Variants in RAB31 observed in about 807,000 individuals in gnomAD.
RAB31 encodes the protein ras-related protein Rab-31.
A neutral mutation model predicts 25.6 loss-of-function variants in RAB31; 21 were observed. The observed-to-expected ratio is 0.82, with a 90% CI of 0.58 to 1.18. The LOEUF (loss-of-function observed/expected upper bound fraction) is 1.18, where lower values mean the gene tolerates loss of function less well. Ranked by LOEUF, RAB31 falls within the 50% of genes most tolerant of loss-of-function variation. The pLI, the probability that RAB31 is intolerant of heterozygous loss-of-function variation, is 0.00. For missense variants in RAB31, 196 were observed against 250.1 expected, an observed-to-expected ratio of 0.78 and a Z score of 1.46; for synonymous variants, 87 against 84.0, an observed-to-expected ratio of 1.04 and a Z score of -0.20.
At chr18:9,798,648 A>G (rs1266581328) in intron 3 of RAB31, among the ~76,000 whole-genome samples, 1 of 151,950 alleles carries the variant, frequency 6.6e-6, no homozygotes, top group Non-Finnish European at 1.5e-5. Context: ...AGACAAGGTC[A>G]CACTCTGTCA....
At position 9,861,554 on chromosome 18, in the gene RAB31, C is replaced by G. The variant is rs1193897856; in HGVS notation, c.*2229C>G. Reference sequence around the variant, plus strand: ...ACATTGTATCTTCTCTGTGGATGCTCAGGCCTTGTCTACAATGAGGCTTTA... The same window carrying G: ...ACATTGTATCTTCTCTGTGGATGCTGAGGCCTTGTCTACAATGAGGCTTTA... On this transcript the variant is annotated 3_prime_UTR_variant, in exon 7 of 7. Transcript: ENST00000578921. 6.6e-6 allele frequency: 1 copy of G among 152,176 alleles called. No individual in the cohort carries two copies. The highest frequency in any genetic ancestry group is 2.4e-5 in the African/African-American group (1 of 41,432). 9.4% of individuals were successfully genotyped at this position (152,176 alleles called of 1,614,324 possible). A position where few individuals can be genotyped will look rare whatever the true frequency, so the allele number is the denominator to read the frequency against.
intron 1 of RAB31, among the ~76,000 whole-genome samples, chr18:9,772,391 G>T (rs892613521): frequency 2.6e-5 from 4 of 152,210 alleles, no homozygotes; most frequent in Non-Finnish European, 4.4e-5. Context: ...GCAAATCGAG[G>T]AGTTGTCTCC....
chr18:9,852,767 T>C (rs2068795522), intron 6 of RAB31, among the ~76,000 whole-genome samples: 1 of 152,226 alleles, frequency 6.6e-6, no homozygotes, highest in Non-Finnish European at 1.5e-5. Context: ...GGCTGTCTTA[T>C]CTGGTAGGTG....
chr18:9,774,305 A>G (rs2145490329), intron 1 of RAB31, among the ~76,000 whole-genome samples: 1 of 152,222 alleles, frequency 6.6e-6, no homozygotes, highest in South Asian at 2.1e-4. Flanking sequence ...GATGTCCCCA[A>G]GCCCAGCTCC....
intron 6 of RAB31, among the ~76,000 whole-genome samples, chr18:9,851,099 A>C (rs1404666782): frequency 1.3e-5 from 2 of 152,206 alleles, no homozygotes; most frequent in Non-Finnish European, 2.9e-5. Flanking sequence ...CAGATTTTAT[A>C]ATAGTCAGCA....
intron 6 of RAB31, among the ~76,000 whole-genome samples, chr18:9,848,891 T>A (rs1015663219): frequency 6.6e-6 from 1 of 152,238 alleles, no homozygotes; most frequent in Non-Finnish European, 1.5e-5. Flanking sequence ...GCAAATACAG[T>A]GTCTAACTGG....
At chr18:9,770,446 A>C (rs1265826372) in intron 1 of RAB31, among the ~76,000 whole-genome samples, 1 of 152,118 alleles carries the variant, frequency 6.6e-6, no homozygotes, top group Non-Finnish European at 1.5e-5. Context: ...ATAATTATAG[A>C]TTTACATGTG....
chr18:9,737,829 G>C (rs2068158143), intron 1 of RAB31, among the ~76,000 whole-genome samples: 1 of 152,160 alleles, frequency 6.6e-6, no homozygotes, highest in African/African-American at 2.4e-5. Flanking sequence ...AACCAAGCAG[G>C]GGTCTCTAAA....
At chr18:9,795,086 A>G (rs917462479) in intron 3 of RAB31, among the ~76,000 whole-genome samples, 1 of 152,190 alleles carries the variant, frequency 6.6e-6, no homozygotes, top group Non-Finnish European at 1.5e-5. Flanking sequence ...CAAATAAGCC[A>G]AATACTTACA....
chr18:9,857,694 A>AGAT (rs138682092), intron 6 of RAB31, among the ~76,000 whole-genome samples: 101 of 128,410 alleles, frequency 7.9e-4, no homozygotes, highest in Middle Eastern at 3.9e-3. Flanking sequence ...GATGATAGAT[A>AGAT]GATAGATAGA....
chr18:9,742,096 C>A (rs2145472601), intron 1 of RAB31, among the ~76,000 whole-genome samples: 1 of 152,304 alleles, frequency 6.6e-6, no homozygotes, highest in Admixed American at 6.5e-5. Flanking sequence ...GGAAGACCAC[C>A]CGGCAAAGCA....
intron 3 of RAB31, among the ~76,000 whole-genome samples, chr18:9,793,879 T>C (rs978566733): frequency 6.6e-6 from 1 of 152,160 alleles, no homozygotes; most frequent in Non-Finnish European, 1.5e-5. Context: ...CCTACTCCAC[T>C]CACTTCCTGC....
intron 1 of RAB31, among the ~76,000 whole-genome samples, chr18:9,739,766 T>G (rs2068168730): frequency 6.6e-6 from 1 of 152,162 alleles, no homozygotes; most frequent in Admixed American, 6.6e-5. Flanking sequence ...TTGTATACTC[T>G]CCTGTCCTGT....
At chr18:9,847,908 A>T (rs904174567) in intron 6 of RAB31, among the ~76,000 whole-genome samples, 1 of 152,084 alleles carries the variant, frequency 6.6e-6, no homozygotes, top group African/African-American at 2.4e-5. Flanking sequence ...TATCCAGTAT[A>T]AATCCCTTCC....
At chr18:9,811,664 C>T (rs2068571707) in intron 3 of RAB31, among the ~76,000 whole-genome samples, 1 of 152,116 alleles carries the variant, frequency 6.6e-6, no homozygotes, top group Non-Finnish European at 1.5e-5. Flanking sequence ...GGAAATCCCA[C>T]CTGTTAAGAT....
At chr18:9,749,487 G>A (rs1222493089) in intron 1 of RAB31, among the ~76,000 whole-genome samples, 3 of 152,204 alleles carry the variant, frequency 2.0e-5, no homozygotes, top group Non-Finnish European at 4.4e-5. Context: ...TTGTGGGAGA[G>A]CTGGGATTTA....
At chr18:9,764,415 A>C (rs1470492511) in intron 1 of RAB31, among the ~76,000 whole-genome samples, 2 of 152,178 alleles carry the variant, frequency 1.3e-5, no homozygotes, top group Non-Finnish European at 2.9e-5. Flanking sequence ...TGAACAGTGC[A>C]CTGGATATGG....
At position 9,774,315 on chromosome 18, in the gene RAB31, C is replaced by T. The variant is rs539937261; in HGVS notation, c.40-963C>T. 1.8e-3 allele frequency among the ~76,000 whole-genome samples: 270 copies of T among 152,242 alleles called. 2 individuals are homozygous for T. The highest frequency in any genetic ancestry group is 6.3e-3 in the African/African-American group (263 of 41,544). On this transcript the variant is annotated intron_variant, in intron 1 of 6. Coordinates refer to ENST00000578921, the MANE Select transcript of RAB31 (RefSeq NM_006868.4). Reference sequence around the variant, plus strand: ...TGCCTGATGTCCCCAAGCCCAGCTCCGTCCGATGCAGGCTTCCTGGAGAGT... The same window carrying T: ...TGCCTGATGTCCCCAAGCCCAGCTCTGTCCGATGCAGGCTTCCTGGAGAGT...
chr18:9,724,754 A>G (rs1268045639), intron 1 of RAB31, among the ~76,000 whole-genome samples: 1 of 152,194 alleles, frequency 6.6e-6, no homozygotes, highest in African/African-American at 2.4e-5. Context: ...CTAGTGTTTG[A>G]AAAAGGTAAT....
Sources: allele counts gnomAD v4.1 joint callset (sites outside exome capture counted in the v4.1 genomes callset), GRCh38; gene constraint gnomAD v4.1.1; transcripts MANE v1.5; gene names NCBI Gene and HGNC (gene_info 2026-07-23, HGNC 2026-07-21).